The following PEPD variants were observed in gnomAD, a reference collection of about 807,000 sequenced individuals.
PEPD encodes the protein xaa-Pro dipeptidase.
In PEPD, 53 loss-of-function variants were observed where a neutral mutation model predicts 60.7. That is an observed-to-expected ratio of 0.87 (90% CI 0.70 to 1.10). The LOEUF is 1.10. Ranked by LOEUF, PEPD falls within the 50% of genes least tolerant of loss-of-function variation. The pLI, the probability that PEPD is intolerant of heterozygous loss-of-function variation, is 0.00. For missense variants in PEPD, 711 were observed against 711.9 expected (o/e 1.00, Z 0.01); for synonymous variants, 267 against 284.1 (o/e 0.94, Z 0.60).
At chr19:33,496,556 T>C (rs1970606890) in intron 4 of PEPD, among the ~76,000 whole-genome samples, 1 of 152,018 alleles carries the variant, frequency 6.6e-6, no homozygotes, top group Non-Finnish European at 1.5e-5. Flanking sequence ...GTGCCTCAAA[T>C]ATTAAGGGAA....
chr19:33,445,573 A>ACTCTCT (rs1349584777), intron 9 of PEPD, among the ~76,000 whole-genome samples: 1 of 152,198 alleles, frequency 6.6e-6, no homozygotes, highest in Non-Finnish European at 1.5e-5. Flanking sequence ...AGCCCAGGAG[A>ACTCTCT]GAGGCCTCAG....
chr19:33,511,363 C>T (rs1279402648), intron 2 of PEPD: 2 of 570,380 alleles, frequency 3.5e-6, no homozygotes, highest in Non-Finnish European at 6.5e-6. Context: ...AGCTCCTCTA[C>T]CCTGCTGGGA....
intron 9 of PEPD, among the ~76,000 whole-genome samples, chr19:33,416,445 C>T (rs999899876): frequency 6.6e-6 from 1 of 152,198 alleles, no homozygotes; most frequent in African/African-American, 2.4e-5. Flanking sequence ...CGCCCCACTG[C>T]GACCATCTCC....
At chr19:33,515,686 T>G (rs571723367) in intron 1 of PEPD, among the ~76,000 whole-genome samples, 5 of 149,750 alleles carry the variant, frequency 3.3e-5, no homozygotes, top group Admixed American at 3.3e-4. Context: ...ATGGACAGCC[T>G]CAGCCACAGT....
At chr19:33,471,254 AACCAATTATCCG>A (rs1970114931) in intron 7 of PEPD, among the ~76,000 whole-genome samples, 1 of 152,184 alleles carries the variant, frequency 6.6e-6, no homozygotes, top group Non-Finnish European at 1.5e-5. Flanking sequence ...GTGCTGGCTT[AACCAATTATCCG>A]TAGGGCACTC....
intron 3 of PEPD, among the ~76,000 whole-genome samples, chr19:33,509,700 A>G (rs1970884464): frequency 6.6e-6 from 1 of 152,232 alleles, no homozygotes; most frequent in African/African-American, 2.4e-5. Context: ...TTTATACATT[A>G]GCCCAGAATA....
chr19:33,412,490 C>T (rs1258775173), intron 10 of PEPD, among the ~76,000 whole-genome samples: 3 of 152,272 alleles, frequency 2.0e-5, no homozygotes, highest in Non-Finnish European at 4.4e-5. Context: ...CCCTGGCGTC[C>T]TGACCAGGCT....
At chr19:33,483,745 G>A (rs1038750801) in intron 6 of PEPD, among the ~76,000 whole-genome samples, 1 of 152,146 alleles carries the variant, frequency 6.6e-6, no homozygotes, top group African/African-American at 2.4e-5. Flanking sequence ...AGGAGGTTGA[G>A]GCTATAGTGA....
chr19:33,448,776 TTCCAGCCC>T (rs1969640861), intron 9 of PEPD, among the ~76,000 whole-genome samples: 1 of 152,056 alleles, frequency 6.6e-6, no homozygotes, highest in Non-Finnish European at 1.5e-5. Context: ...TCTGTGGAAA[TTCCAGCCC>T]ACGGTTACCA....
chr19:33,505,710 T>C (rs1469373302), intron 3 of PEPD, among the ~76,000 whole-genome samples: 5 of 136,678 alleles, frequency 3.7e-5, no homozygotes, highest in Admixed American at 3.6e-4. Context: ...CACACACACC[T>C]GCACACAACA....
At chr19:33,454,513 A>C (rs1356603738) in intron 9 of PEPD, among the ~76,000 whole-genome samples, 1 of 152,070 alleles carries the variant, frequency 6.6e-6, no homozygotes, top group Non-Finnish European at 1.5e-5. Flanking sequence ...GAAGCAGGAG[A>C]ATCATTTGAG....
chr19:33,441,571 A>T (rs1161567339), intron 9 of PEPD, among the ~76,000 whole-genome samples: 1 of 152,200 alleles, frequency 6.6e-6, no homozygotes. Flanking sequence ...CCACCAGGGT[A>T]GGAGGCAGCC....
chr19:33,475,372 T>G (rs1341274537), intron 7 of PEPD, among the ~76,000 whole-genome samples: 1 of 151,848 alleles, frequency 6.6e-6, no homozygotes, highest in Non-Finnish European at 1.5e-5. Flanking sequence ...ACAGCATCCT[T>G]CCTTCAGTGC....
At chr19:33,409,388 G>A (rs1041572073) in intron 11 of PEPD, among the ~76,000 whole-genome samples, 1 of 152,236 alleles carries the variant, frequency 6.6e-6, no homozygotes, top group Admixed American at 6.5e-5. Context: ...AGGTTTCAGG[G>A]CTGGGCACCG....
At chr19:33,474,708 C>T (rs781300576) in intron 7 of PEPD, among the ~76,000 whole-genome samples, 4 of 151,506 alleles carry the variant, frequency 2.6e-5, no homozygotes, top group East Asian at 3.9e-4. Context: ...AGGCTGGGTG[C>T]GGTGGCTCAC....
chr19:33,495,079 T>C (rs147497009), intron 4 of PEPD, among the ~76,000 whole-genome samples: 2 of 150,640 alleles, frequency 1.3e-5, no homozygotes, highest in Non-Finnish European at 3.0e-5. Context: ...GAGCTTGCAG[T>C]GAGCCAAGAC....
chr19:33,513,801 A>T (rs1970972655), intron 1 of PEPD, among the ~76,000 whole-genome samples: 1 of 149,902 alleles, frequency 6.7e-6, no homozygotes, highest in Non-Finnish European at 1.5e-5. Flanking sequence ...AACCCCCAGA[A>T]CACTCCAGCC....
intron 9 of PEPD, among the ~76,000 whole-genome samples, chr19:33,415,102 T>C (rs940044325): frequency 3.9e-5 from 6 of 152,022 alleles, no homozygotes; most frequent in Admixed American, 3.3e-4. Flanking sequence ...ACTTCACACC[T>C]CTGTGGCGCC....
At chr19:33,472,149 A>C (rs1970132006) in intron 7 of PEPD, among the ~76,000 whole-genome samples, 1 of 139,796 alleles carries the variant, frequency 7.2e-6, no homozygotes, top group African/African-American at 2.8e-5. Context: ...CAACAAGAAC[A>C]AAACTCCATC....
Sources: gnomAD v4.1 joint callset for allele counts (sites outside exome capture counted in the v4.1 genomes callset) on GRCh38, gnomAD v4.1.1 for gene constraint, MANE v1.5 for transcripts, NCBI Gene and HGNC (gene_info 2026-07-23, HGNC 2026-07-21) for gene names.